Variants in VPS35 observed in about 807,000 individuals in gnomAD.
VPS35 encodes the protein VPS35 retromer complex component, also known as vacuolar protein sorting-associated protein 35.
In VPS35, 21 loss-of-function variants were observed where a neutral mutation model predicts 98.1. The observed-to-expected ratio is 0.21, with a 90% CI of 0.15 to 0.31. The LOEUF is 0.31. Among genes scored for constraint, VPS35 ranks in the 10% least tolerant of loss-of-function variants. VPS35 has a pLI of 1.00. For synonymous variants in VPS35, 268 were observed against 318.2 expected, an observed-to-expected ratio of 0.84 and a Z score of 1.68; for missense variants, 554 against 950.8, an observed-to-expected ratio of 0.58 and a Z score of 5.49.
chr16:46,682,388 A>C (rs990635988), intron 2 of VPS35: 5 of 520,176 alleles, frequency 9.6e-6, no homozygotes, highest in African/African-American at 9.6e-5. Flanking sequence ...AGTAAGACTT[A>C]ACATAGCTAA....
intron 13 of VPS35, among the ~76,000 whole-genome samples, chr16:46,664,782 A>G (rs1009271254): frequency 1.3e-5 from 2 of 152,078 alleles, no homozygotes; most frequent in African/African-American, 2.4e-5. Flanking sequence ...CAGCCTCCCA[A>G]AGTGCTAGGA....
intron 2 of VPS35, 51 bp from the exon 3 acceptor site, chr16:46,682,226 T>G: frequency 7.4e-7 from 1 of 1,353,142 alleles, no homozygotes; most frequent in South Asian, 1.2e-5. Context: ...AAATAAACAT[T>G]TATCTTGGTT....
At chr16:46,662,919 C>A (rs1965934290) in intron 14 of VPS35, 64 bp downstream of exon 14, 1 of 1,584,084 alleles carries the variant, frequency 6.3e-7, no homozygotes, top group Non-Finnish European at 8.7e-7. Flanking sequence ...TACCACCATG[C>A]CTGCAAACAA....
At position 46,688,826 on chromosome 16, in the gene VPS35, T is replaced by C. The variant is rs1217402468; in HGVS notation, c.3+305A>G. The C allele has an allele frequency of 1.2e-5, 17 of 1,380,246 alleles. No individual in the cohort carries two copies. In the East Asian group the frequency reaches 4.3e-4, roughly 35 times the overall value. 85.5% of individuals were successfully genotyped at this position (1,380,246 alleles called of 1,614,324 possible). On this transcript the variant is annotated intron_variant, in intron 1 of 16. Coordinates refer to ENST00000299138, the MANE Select transcript of VPS35 (RefSeq NM_018206.6). The stretch of plus-strand genomic sequence containing the variant: ...CCCCTCGTGGTAGGCAGGTGACCGA[T>C]TCCACTTAAAGGAGGCCGCAGGCCT...
intron 1 of VPS35, among the ~76,000 whole-genome samples, chr16:46,684,024 C>A (rs1190195946): frequency 1.3e-5 from 2 of 152,206 alleles, no homozygotes; most frequent in African/African-American, 2.4e-5. Context: ...CCGCACCCAG[C>A]CCATTTACCA....
chr16:46,672,114 AC>A (rs2143007481), intron 11 of VPS35, 150 bp downstream of exon 11: 1 of 757,964 alleles, frequency 1.3e-6, no homozygotes, highest in African/African-American at 1.8e-5. Context: ...AATTCTTTAT[AC>A]ATCTCCAATT....
intron 16 of VPS35, 91 bp from the exon 17 acceptor site, chr16:46,660,742 A>T: frequency 9.7e-7 from 1 of 1,030,724 alleles, no homozygotes; most frequent in Middle Eastern, 2.1e-4. Flanking sequence ...AGCTTCTGTT[A>T]CACTCATCAA....
At position 46,671,646 on chromosome 16, in the gene VPS35, C is replaced by T. The variant is rs71380965; in HGVS notation, c.1524+59G>A. ...AAAGTGAATTAAACCATTTTAAGCA[C>T]TTGAACATGTGATTTCACTAGGAGC... On this transcript the variant is annotated intron_variant, in intron 12 of 16. Coordinates refer to ENST00000299138, the MANE Select transcript of VPS35 (RefSeq NM_018206.6). 15,146 of 1,607,840 alleles carry T rather than the reference C, an allele frequency of 9.4e-3. 91 individuals carry two copies. Among genetic ancestry groups the T allele is most frequent in the Non-Finnish European group, 0.012 (13,840 of 1,175,266 alleles).
chr16:46,664,401 C>A (rs570887907), intron 13 of VPS35, among the ~76,000 whole-genome samples: 1 of 152,286 alleles, frequency 6.6e-6, no homozygotes, highest in South Asian at 2.1e-4. Flanking sequence ...AAGTGATCCA[C>A]CCATCTCAGC....
chr16:46,673,480 G>A (rs1966096934), intron 10 of VPS35: 2 of 152,358 alleles, frequency 1.3e-5, no homozygotes, highest in African/African-American at 2.4e-5. Flanking sequence ...ATGTTGGCGG[G>A]AGGCAGGCCT....
chr16:46,688,957 G>A, intron 1 of VPS35, 174 bp downstream of exon 1: 1 of 1,501,726 alleles, frequency 6.7e-7, no homozygotes. Context: ...GCCCGGATCA[G>A]CCTGCCCGCG....
Position 46,689,148 on chromosome 16 carries a change from G to A in VPS35, c.-15C>T, listed in dbSNP as rs774616523. 1.9e-6 allele frequency: 3 copies of A among 1,608,626 alleles called. No individual in the cohort carries two copies. Among genetic ancestry groups the A allele is most frequent in the South Asian group, 1.1e-5 (1 of 90,048 alleles). On this transcript the variant is annotated 5_prime_UTR_variant, in exon 1 of 17. Transcript: ENST00000299138. ...GCACTCACCATGGCGACTCCCCAGA[G>A]CCTGCAGCAAGCAGCACCCGCCCCG...
intron 13 of VPS35, among the ~76,000 whole-genome samples, chr16:46,666,388 A>G (rs1314382697): frequency 6.9e-6 from 1 of 144,810 alleles, no homozygotes; most frequent in Non-Finnish European, 1.5e-5. Flanking sequence ...CCTGCCTCAG[A>G]CTCCCGAGTA....
At chr16:46,668,395 A>AAAAC (rs772435838) in intron 13 of VPS35, among the ~76,000 whole-genome samples, 11 of 152,168 alleles carry the variant, frequency 7.2e-5, no homozygotes, top group East Asian at 5.8e-4. Context: ...ACCCTATCTC[A>AAAAC]AAACAAACAA....
rs1468115670 is a variant in VPS35 at position 46,657,266 on chromosome 16, G to T, written c.*3206C>A. On this transcript the variant is annotated 3_prime_UTR_variant, in exon 17 of 17. Coordinates refer to ENST00000299138, the MANE Select transcript of VPS35 (RefSeq NM_018206.6). ...AGGACAAACCCCAGCAAACAGGAAG[G>T]TCTCCTGCACAGATTTCTCTACCTT... 4 of 152,226 alleles carry T rather than the reference G, an allele frequency of 2.6e-5. No homozygotes were observed. The highest frequency in any genetic ancestry group is 1.9e-4 in the East Asian group (1 of 5,194). 9.4% of individuals were successfully genotyped at this position (152,226 alleles called of 1,614,324 possible).
chr16:46,663,612 G>A (rs896212470), intron 13 of VPS35, among the ~76,000 whole-genome samples: 2 of 152,070 alleles, frequency 1.3e-5, no homozygotes, highest in African/African-American at 2.4e-5. Flanking sequence ...AGTTGGCCAG[G>A]CTGGTAACTC....
rs1162874021 is a variant in VPS35, at chr16:46,688,950, C to T, written c.3+181G>A. On this transcript the variant is annotated intron_variant, in intron 1 of 16. Coordinates refer to ENST00000299138, the MANE Select transcript of VPS35 (RefSeq NM_018206.6). ...CCAAGAGCCGCCGCCCACCCCGGCC[C>T]GGATCAGCCTGCCCGCGGCCTTCCT... 1.0e-5 allele frequency: 15 copies of T among 1,492,264 alleles called. 1 individual carries two copies. In the East Asian group the frequency reaches 2.7e-4, roughly 27 times the overall value. The allele number at this position is 1,492,264 out of a possible 1,614,324, so 92.4% of individuals were successfully genotyped here.
Position 46,680,857 on chromosome 16 carries a change from G to A in VPS35, c.324-4C>T. On this transcript the variant is annotated splice_polypyrimidine_tract_variant and splice_region_variant and intron_variant, in intron 4 of 16. Transcript: ENST00000299138. ...TCCAACTGTGATCAAAAGGTAACTA[G>A]GAAAATTATGAAGAAATGCTGATTA... is the stretch of plus-strand genomic sequence containing the variant. 1.2e-6 allele frequency: 2 copies of A among 1,612,582 alleles called. No individual in the cohort carries two copies. Among genetic ancestry groups the A allele is most frequent in the Middle Eastern group, 1.7e-4 (1 of 6,058 alleles).
rs1436696421 is a variant in VPS35 at position 46,657,244 on chromosome 16, A to G, written c.*3228T>C. 6.6e-6 allele frequency: 1 copy of G among 152,204 alleles called. No homozygotes were observed. Among genetic ancestry groups the G allele is most frequent in the Non-Finnish European group, 1.5e-5 (1 of 68,054 alleles). 9.4% of individuals were successfully genotyped at this position (152,204 alleles called of 1,614,324 possible). A position where few individuals can be genotyped will look rare whatever the true frequency, so the allele number is the denominator to read the frequency against. The stretch of plus-strand genomic sequence containing the variant: ...TCCATGCCTACAGCATCCCCATAGG[A>G]CAAACCCCAGCAAACAGGAAGGTCT... On this transcript the variant is annotated 3_prime_UTR_variant, in exon 17 of 17. Coordinates refer to ENST00000299138, the MANE Select transcript of VPS35 (RefSeq NM_018206.6).
Sources: allele counts gnomAD v4.1 joint callset (sites outside exome capture counted in the v4.1 genomes callset), GRCh38; gene constraint gnomAD v4.1.1; transcripts MANE v1.5; gene names NCBI Gene and HGNC (gene_info 2026-07-23, HGNC 2026-07-21).